Variants in NCAPH observed in about 807,000 individuals in gnomAD.
NCAPH encodes condensin complex subunit 2.
Under a neutral mutation model 85.5 loss-of-function variants are expected in NCAPH, and 38 were observed. That is an observed-to-expected ratio of 0.44 (90% CI 0.34 to 0.58). The LOEUF (loss-of-function observed/expected upper bound fraction) is 0.58, where lower values mean the gene tolerates loss of function less well. Ranked by LOEUF, NCAPH falls within the 20% of genes least tolerant of loss-of-function variation. The pLI, the probability that NCAPH is intolerant of heterozygous loss-of-function variation, is 0.01. For missense variants in NCAPH, 789 were observed against 916.6 expected (o/e 0.86, Z 1.80); for synonymous variants, 301 against 335.1 (o/e 0.90, Z 1.11).
Position 96,361,833 on chromosome 2 carries a change from T to A in NCAPH, c.1587+1123T>A, listed in dbSNP as rs867031248. ...ATATATATATATATATATATATTTT[T>A]TTTTTTTTTTCCCTGAATTGACTGA... On this transcript the variant is annotated intron_variant, in intron 12 of 17. Transcript: ENST00000240423. 8.5e-3 allele frequency among the ~76,000 whole-genome samples: 1,061 copies of A among 124,878 alleles called. 6 individuals are homozygous for A. Among genetic ancestry groups the A allele is most frequent in the South Asian group, 0.04 (120 of 3,024 alleles). The allele number at this position is 124,878 out of a possible 152,430, so 81.9% of individuals were successfully genotyped here.
At chr2:96,354,893 G>A (rs1464770929) in intron 9 of NCAPH, among the ~76,000 whole-genome samples, 2 of 152,154 alleles carry the variant, frequency 1.3e-5, no homozygotes, top group South Asian at 2.1e-4. Context: ...TTGTTACCAC[G>A]TGCATTTTGG....
Position 96,376,875 on chromosome 2 carries a change from A to G in NCAPH, c.*3524A>G, listed in dbSNP as rs1421968113. ...ATAAGATCTACTATTTGATAGCACA[A>G]TAGGGTGACTATAGTCAATAATAAC... On this transcript the variant is annotated 3_prime_UTR_variant, in exon 18 of 18. Transcript: ENST00000240423. Among the ~76,000 whole-genome samples the G allele has an allele frequency of 1.3e-5, 2 of 152,218 alleles. No homozygotes were observed. Among genetic ancestry groups the G allele is most frequent in the Non-Finnish European group, 2.9e-5 (2 of 68,042 alleles).
rs184022620 is a variant in NCAPH, at chr2:96,350,161, C to T, written c.721-1670C>T. Among the ~76,000 whole-genome samples the T allele has an allele frequency of 1.9e-3, 288 of 152,324 alleles. 2 individuals are homozygous for T. Among genetic ancestry groups the T allele is most frequent in the Non-Finnish European group, 1.1e-3 (73 of 68,032 alleles). On this transcript the variant is annotated intron_variant, in intron 6 of 17. Coordinates refer to ENST00000240423, the MANE Select transcript of NCAPH (RefSeq NM_015341.5). Reference sequence around the variant, plus strand: ...GTAAGGCCTTTTATTGTGGTCCTTCCTTACTGTGGACCCTTGTTTCAGAAG... The same window carrying T: ...GTAAGGCCTTTTATTGTGGTCCTTCTTTACTGTGGACCCTTGTTTCAGAAG...
chr2:96,361,586 C>T (rs1326197848), intron 12 of NCAPH, among the ~76,000 whole-genome samples: 1 of 151,678 alleles, frequency 6.6e-6, no homozygotes, highest in Non-Finnish European at 1.5e-5. Context: ...TTGCCTGGGG[C>T]TCTTCTCACA....
intron 15 of NCAPH, among the ~76,000 whole-genome samples, chr2:96,368,029 ACTT>A (rs961566124): frequency 2.0e-5 from 3 of 152,220 alleles, no homozygotes; most frequent in African/African-American, 4.8e-5. Context: ...GTCAGATTCT[ACTT>A]CTTCAGAACA....
chr2:96,341,539 T>A (rs2064294172), intron 1 of NCAPH, 103 bp from the exon 2 acceptor site: 2 of 1,408,622 alleles, frequency 1.4e-6, no homozygotes, highest in East Asian at 4.6e-5. Context: ...AAGATCTCAG[T>A]GGACAGTGTG....
intron 4 of NCAPH, 137 bp from the exon 5 acceptor site, chr2:96,343,029 T>G (rs1304382998): frequency 8.1e-7 from 1 of 1,241,442 alleles, no homozygotes; most frequent in African/African-American, 1.5e-5. Context: ...TTCTGTTTAT[T>G]CCCTATCAGT....
intron 6 of NCAPH, among the ~76,000 whole-genome samples, 154 bp from the exon 7 acceptor site, chr2:96,351,677 A>C (rs1042689664): frequency 3.3e-5 from 5 of 152,198 alleles, no homozygotes; most frequent in African/African-American, 4.8e-5. Flanking sequence ...CAAAAAAAAA[A>C]AAAAAAAACA....
intron 6 of NCAPH, among the ~76,000 whole-genome samples, chr2:96,350,343 A>G (rs1345790962): frequency 6.6e-6 from 1 of 152,202 alleles, no homozygotes; most frequent in Non-Finnish European, 1.5e-5. Flanking sequence ...TCAGTGTACA[A>G]TTTCCATGTT....
At chr2:96,358,187 A>T (rs2064549550) in intron 9 of NCAPH, among the ~76,000 whole-genome samples, 2 of 152,230 alleles carry the variant, frequency 1.3e-5, no homozygotes. Context: ...GACACTTTAC[A>T]CACGGCAAAG....
intron 9 of NCAPH, among the ~76,000 whole-genome samples, chr2:96,356,394 T>C (rs1558797313): frequency 6.6e-6 from 1 of 152,198 alleles, no homozygotes; most frequent in Admixed American, 6.5e-5. Flanking sequence ...AAATGCAAGG[T>C]TGGGACCAGT....
chr2:96,369,150 C>CACA, intron 16 of NCAPH, 87 bp downstream of exon 16: 1 of 1,305,766 alleles, frequency 7.7e-7, no homozygotes, highest in South Asian at 1.4e-5. Flanking sequence ...AACCTGTTTC[C>CACA]TATGACATTT....
In NCAPH at chr2:96,364,601, G is replaced by A. The variant is rs1244890502; in HGVS notation, c.1698+10G>A. Reference sequence around the variant, plus strand: ...TTGCCCTGGATTACAGGTAAAGGGGGGAAAGGGGCTCTGTCCTCTCTTCTA... The same window carrying A: ...TTGCCCTGGATTACAGGTAAAGGGGAGAAAGGGGCTCTGTCCTCTCTTCTA... On this transcript the variant is annotated intron_variant, in intron 13 of 17. Coordinates refer to ENST00000240423, the MANE Select transcript of NCAPH (RefSeq NM_015341.5). 8.9e-6 allele frequency: 14 copies of A among 1,565,180 alleles called. No homozygotes were observed. The highest frequency in any genetic ancestry group is 1.2e-5 in the Non-Finnish European group (14 of 1,136,032).
At chr2:96,343,353 A>C in intron 5 of NCAPH, 49 bp downstream of exon 5, 1 of 1,558,068 alleles carries the variant, frequency 6.4e-7, no homozygotes, top group South Asian at 1.2e-5. Context: ...AGGGCATACC[A>C]GGTAGTTACT....
chr2:96,353,503 C>A, intron 8 of NCAPH, 106 bp downstream of exon 8: 1 of 1,005,748 alleles, frequency 9.9e-7, no homozygotes, highest in South Asian at 1.5e-5. Flanking sequence ...GCCAGGAGTA[C>A]AGAAAATATT....
chr2:96,369,342 A>G lies in NCAPH; in HGVS notation c.2091-83A>G, dbSNP rs2064741724. On this transcript the variant is annotated intron_variant, in intron 16 of 17. Transcript: ENST00000240423. ...TGTTTCTCATTAGTTTAGTCATTGCATGTGTGTATTATTCATACTTGATGA... is the reference window on the plus strand; with the variant it reads ...TGTTTCTCATTAGTTTAGTCATTGCGTGTGTGTATTATTCATACTTGATGA... The G allele has an allele frequency of 9.6e-6, 11 of 1,141,762 alleles. No individual in the cohort carries two copies. The Admixed American group carries it at 1.4e-4, about 14-fold the overall frequency. 70.7% of individuals were successfully genotyped at this position (1,141,762 alleles called of 1,614,324 possible).
In NCAPH at chr2:96,364,232, T is replaced by C. The variant is rs575341442; in HGVS notation, c.1588-249T>C. On this transcript the variant is annotated intron_variant, in intron 12 of 17. Coordinates refer to ENST00000240423, the MANE Select transcript of NCAPH (RefSeq NM_015341.5). ...AGGTAAAACTGTGCAGAAGGCCTAA[T>C]TGCCAGTCACACAGAAATAGAGCTG... Among the ~76,000 whole-genome samples the C allele has an allele frequency of 9.2e-5, 14 of 152,322 alleles. No homozygotes were observed. The South Asian group carries it at 2.9e-3, about 32-fold the overall frequency.
chr2:96,338,384 C>G lies in NCAPH; in HGVS notation c.19+2536C>G, dbSNP rs549899625. Among the ~76,000 whole-genome samples, 17 of 152,212 alleles carry G rather than the reference C, an allele frequency of 1.1e-4. No homozygotes were observed. In the South Asian group the frequency reaches 3.3e-3, roughly 30 times the overall value. Reference sequence around the variant, plus strand: ...GGGCTTTCTGTGCTCTCTACAAAGGCAACCTCTTTGCCTGCTTGAGTACAT... The same window carrying G: ...GGGCTTTCTGTGCTCTCTACAAAGGGAACCTCTTTGCCTGCTTGAGTACAT... On this transcript the variant is annotated intron_variant, in intron 1 of 17. Coordinates refer to ENST00000240423, the MANE Select transcript of NCAPH (RefSeq NM_015341.5).
chr2:96,360,918 C>T (rs574070844), intron 12 of NCAPH, among the ~76,000 whole-genome samples: 1 of 152,066 alleles, frequency 6.6e-6, no homozygotes, highest in Non-Finnish European at 1.5e-5. Context: ...TTGGAAATAC[C>T]TTACCTGGCA....
Sources: allele counts gnomAD v4.1 joint callset (sites outside exome capture counted in the v4.1 genomes callset), GRCh38; gene constraint gnomAD v4.1.1; transcripts MANE v1.5; gene names NCBI Gene and HGNC (gene_info 2026-07-23, HGNC 2026-07-21).